ZNF536: variants seen among roughly 807,000 people sequenced by gnomAD.
ZNF536 encodes the protein zinc finger protein 536.
ZNF536 carries 13 observed loss-of-function variants against 84.5 expected under a neutral mutation model. That is an observed-to-expected ratio of 0.15 (90% CI 0.10 to 0.24). ZNF536 has a LOEUF of 0.24. Among genes scored for constraint, ZNF536 ranks in the 10% least tolerant of loss-of-function variants. The pLI is 1.00. For missense variants in ZNF536, 1,536 were observed against 1,747.5 expected (o/e 0.88, Z 2.16); for synonymous variants, 811 against 742.5 (o/e 1.09, Z -1.50).
downstream of ZNF536, among the ~76,000 whole-genome samples, chr19:30,561,712 C>CCTCTCCTCTCACCTA (rs2046174694): frequency 6.6e-6 from 1 of 152,140 alleles, no homozygotes; most frequent in Admixed American, 6.5e-5. Context: ...TTGAAGGAGC[C>CCTCTCCTCTCACCTA]GGGGTATTTA....
At chr19:30,524,934 A>T (rs2044514126) in intron 2 of ZNF536, among the ~76,000 whole-genome samples, 1 of 152,176 alleles carries the variant, frequency 6.6e-6, no homozygotes, top group African/African-American at 2.4e-5. Flanking sequence ...TATTATAATT[A>T]TTATAGTAAT....
chr19:30,389,053 C>T (rs1162123250), intron 1 of ZNF536, among the ~76,000 whole-genome samples: 1 of 152,242 alleles, frequency 6.6e-6, no homozygotes, highest in African/African-American at 2.4e-5. Context: ...ATTTACCAGG[C>T]TCCTCTTACC....
intron 1 of ZNF536, among the ~76,000 whole-genome samples, chr19:30,706,400 A>C (rs1002668108): frequency 6.6e-5 from 10 of 151,864 alleles, no homozygotes; most frequent in Admixed American, 6.6e-5. Flanking sequence ...GGCAGGAGAA[A>C]GGTGTGAACC....
At chr19:30,704,083 C>A (rs1424267304) in intron 1 of ZNF536, among the ~76,000 whole-genome samples, 1 of 152,134 alleles carries the variant, frequency 6.6e-6, no homozygotes, top group Non-Finnish European at 1.5e-5. Flanking sequence ...CAAAGGCCAT[C>A]CTGGAGTGTG....
intron 3 of ZNF536, among the ~76,000 whole-genome samples, chr19:30,359,513 C>A (rs982709724): frequency 6.6e-6 from 1 of 152,148 alleles, no homozygotes; most frequent in Non-Finnish European, 1.5e-5. Context: ...GGCAGCAATG[C>A]AGAAGTCCCT....
intron 1 of ZNF536, among the ~76,000 whole-genome samples, chr19:30,640,613 C>G (rs995048579): frequency 3.1e-4 from 47 of 152,206 alleles, no homozygotes; most frequent in Admixed American, 1.0e-3. Context: ...CACCGTCTTA[C>G]CAGCCTGCAA....
chr19:30,646,496 C>T (rs141506329), intron 1 of ZNF536, among the ~76,000 whole-genome samples: 38 of 152,286 alleles, frequency 2.5e-4, no homozygotes, highest in Middle Eastern at 3.4e-3. Context: ...TGTGCATGTG[C>T]GGGTGTGTGC....
At chr19:30,474,542 C>A (rs2053769336) in intron 2 of ZNF536, among the ~76,000 whole-genome samples, 1 of 152,148 alleles carries the variant, frequency 6.6e-6, no homozygotes, top group Non-Finnish European at 1.5e-5. Context: ...ACTCCCCCAA[C>A]CCCTCCCCAT....
At chr19:30,682,329 A>G (rs777174876) in intron 1 of ZNF536, among the ~76,000 whole-genome samples, 3 of 152,178 alleles carry the variant, frequency 2.0e-5, no homozygotes, top group South Asian at 2.1e-4. Context: ...GGAGGAATCT[A>G]TAAGAGACAT....
chr19:30,491,835 C>CT (rs59636784), intron 2 of ZNF536, among the ~76,000 whole-genome samples: 16,255 of 145,216 alleles, frequency 0.11, 922 homozygotes, highest in East Asian at 0.2. Flanking sequence ...CTTTCCTTTT[C>CT]TTTTTTTTTT....
chr19:30,254,523 A>AT (rs35779261), intron 1 of ZNF536, among the ~76,000 whole-genome samples: 6,532 of 119,736 alleles, frequency 0.055, 347 homozygotes, highest in African/African-American at 0.15. Flanking sequence ...AGAACCTTTG[A>AT]TTTTTTTTTT....
intron 1 of ZNF536, among the ~76,000 whole-genome samples, chr19:30,593,700 G>A (rs2047349977): frequency 6.6e-6 from 1 of 152,072 alleles, no homozygotes; most frequent in Non-Finnish European, 1.5e-5. Flanking sequence ...CCACCCCCTT[G>A]GAAATTTAGG....
At chr19:30,338,358 G>T (rs2047452152) in intron 2 of ZNF536, among the ~76,000 whole-genome samples, 1 of 151,472 alleles carries the variant, frequency 6.6e-6, no homozygotes, top group Non-Finnish European at 1.5e-5. Context: ...TGGTGGTGAT[G>T]GCGATGATGG....
At chr19:30,536,126 C>T (rs894758680) in intron 3 of ZNF536, among the ~76,000 whole-genome samples, 1 of 152,198 alleles carries the variant, frequency 6.6e-6, no homozygotes, top group African/African-American at 2.4e-5. Context: ...CCAGGTCCCA[C>T]CACTCTCCCA....
rs947549018 is a variant in ZNF536, at chr19:30,639,106, T to C, written c.170-71651T>C. On this transcript the variant is annotated intron_variant, in intron 1 of 1. Coordinates refer to the ZNF536 transcript ENST00000592773. ...TTGCCTGATTTTCTGTCTTTGTTTT[T>C]ACTCATTTGGTCGTATTTCCTGGTG... Among the ~76,000 whole-genome samples the C allele has an allele frequency of 2.0e-5, 3 of 152,230 alleles. No individual in the cohort carries two copies. The East Asian group carries it at 5.8e-4, about 29-fold the overall frequency.
At chr19:30,233,831 C>T (rs2023264379) in intron 1 of ZNF536, among the ~76,000 whole-genome samples, 1 of 152,184 alleles carries the variant, frequency 6.6e-6, no homozygotes, top group Non-Finnish European at 1.5e-5. Flanking sequence ...CTTAGCTCAT[C>T]TACTGCTGCA....
Position 30,548,957 on chromosome 19 carries a change from A to G in ZNF536, c.3338A>G (p.Lys1113Arg), listed in dbSNP as rs2146228397. Residue 1113 changes from lysine to arginine, a missense_variant, in exon 4 of 5, where the codon AAG becomes AGG. Physicochemically the swap from Lys to Arg is conservative, Grantham distance 26. Transcript: ENST00000355537. ...AFCNFPSDFYKQFGVYPGMVG... is the reference protein window; with the variant it reads ...AFCNFPSDFYRQFGVYPGMVG... ...TGTAACTTCCCATCAGACTTCTACAAGCAGTTTGGTGTTTACCCAGGCATG... is the reference window on the plus strand; with the variant it reads ...TGTAACTTCCCATCAGACTTCTACAGGCAGTTTGGTGTTTACCCAGGCATG... 1 of 1,614,154 alleles carries G rather than the reference A, an allele frequency of 6.2e-7. No homozygotes were observed. Among genetic ancestry groups the G allele is most frequent in the Non-Finnish European group, 8.5e-7 (1 of 1,180,036 alleles).
intron 1 of ZNF536, among the ~76,000 whole-genome samples, chr19:30,588,004 C>G (rs773908375): frequency 2.6e-5 from 4 of 152,268 alleles, no homozygotes; most frequent in Non-Finnish European, 4.4e-5. Context: ...TCTTCTTCCT[C>G]TTGTGGGAGT....
chr19:30,421,544 T>G (rs561287993), intron 1 of ZNF536, among the ~76,000 whole-genome samples: 1 of 152,292 alleles, frequency 6.6e-6, no homozygotes, highest in Admixed American at 6.5e-5. Flanking sequence ...AAATTTTTTG[T>G]AGAGATGAGA....
Sources: gnomAD v4.1 joint callset for allele counts (sites outside exome capture counted in the v4.1 genomes callset) on GRCh38, gnomAD v4.1.1 for gene constraint, MANE v1.5 for transcripts, NCBI Gene and HGNC (gene_info 2026-07-23, HGNC 2026-07-21) for gene names.